The following RHOBTB3 variants were observed in gnomAD, a reference collection of about 807,000 sequenced individuals.
RHOBTB3 encodes Rho related BTB domain containing 3.
In RHOBTB3, 47 loss-of-function variants were observed where a neutral mutation model predicts 67.2. The ratio of observed to expected loss-of-function variants is 0.70; its 90% CI spans 0.55 to 0.89. RHOBTB3 has a LOEUF of 0.89. Ranked by LOEUF, RHOBTB3 falls within the 40% of genes least tolerant of loss-of-function variation. The probability of loss-of-function intolerance (pLI) is 0.00; values close to 1 mark genes in which losing one functional copy is unlikely to be tolerated. For synonymous variants in RHOBTB3, 273 were observed against 274.2 expected (o/e 1.00, Z 0.04); for missense variants, 631 against 750.0 (o/e 0.84, Z 1.85).
intron 3 of RHOBTB3, among the ~76,000 whole-genome samples, chr5:95,742,211 G>A (rs149783248): frequency 3.7e-4 from 57 of 152,248 alleles, no homozygotes; most frequent in African/African-American, 1.4e-3. Context: ...CCTTTAATTG[G>A]CTAGAGCTAG....
Position 95,768,172 on chromosome 5 carries a change from G to C in RHOBTB3, c.1282+6G>C. 1 of 1,601,282 alleles carries C rather than the reference G, an allele frequency of 6.2e-7. No individual in the cohort carries two copies. Among genetic ancestry groups the C allele is most frequent in the Non-Finnish European group, 8.5e-7 (1 of 1,176,406 alleles). ...TGTTGTCTTCGAAATTCAAGGTACGGATCAACTTTTACAAAGTTTATGATT... is the reference window on the plus strand; with the variant it reads ...TGTTGTCTTCGAAATTCAAGGTACGCATCAACTTTTACAAAGTTTATGATT... On this transcript the variant is annotated splice_donor_region_variant and intron_variant, in intron 8 of 11. Coordinates refer to ENST00000379982, the MANE Select transcript of RHOBTB3 (RefSeq NM_014899.4).
intron 5 of RHOBTB3, among the ~76,000 whole-genome samples, chr5:95,753,064 G>A (rs1302980415): frequency 2.0e-5 from 3 of 152,056 alleles, no homozygotes; most frequent in Non-Finnish European, 2.9e-5. Flanking sequence ...CCCAGGAGGC[G>A]GAGCTTGCAG....
At chr5:95,734,268 A>C (rs1344733655) in intron 2 of RHOBTB3, among the ~76,000 whole-genome samples, 1 of 152,166 alleles carries the variant, frequency 6.6e-6, no homozygotes, top group Non-Finnish European at 1.5e-5. Flanking sequence ...AGTAAAATAA[A>C]ATAGTTTCAC....
chr5:95,721,693 TAAAAAA>T (rs58596325), intron 1 of RHOBTB3, among the ~76,000 whole-genome samples: 1 of 132,204 alleles, frequency 7.6e-6, no homozygotes, highest in Non-Finnish European at 1.6e-5. Flanking sequence ...CTGAGAGCAT[TAAAAAA>T]AAAAAAAAAG....
At chr5:95,723,472 A>T (rs1754956762) in intron 1 of RHOBTB3, among the ~76,000 whole-genome samples, 1 of 152,220 alleles carries the variant, frequency 6.6e-6, no homozygotes, top group Admixed American at 6.5e-5. Context: ...AGACTGACTA[A>T]ATGGTTATTG....
chr5:95,760,623 G>C (rs556479168), intron 6 of RHOBTB3, among the ~76,000 whole-genome samples: 1 of 152,086 alleles, frequency 6.6e-6, no homozygotes, highest in Non-Finnish European at 1.5e-5. Flanking sequence ...TATACCATGC[G>C]CTCTAAAAGT....
intron 8 of RHOBTB3, among the ~76,000 whole-genome samples, chr5:95,779,575 T>G (rs1745989698): frequency 3.9e-5 from 6 of 152,346 alleles, no homozygotes; most frequent in Admixed American, 3.9e-4. Flanking sequence ...CAGTATGGGC[T>G]GAGAGAGCCC....
At chr5:95,745,496 C>G (rs1744868042) in intron 3 of RHOBTB3, among the ~76,000 whole-genome samples, 1 of 152,086 alleles carries the variant, frequency 6.6e-6, no homozygotes. Flanking sequence ...TCTGGTAGAG[C>G]CTGGTCCTTT....
chr5:95,736,015 T>A (rs962672051), intron 2 of RHOBTB3, among the ~76,000 whole-genome samples: 7 of 152,108 alleles, frequency 4.6e-5, no homozygotes, highest in African/African-American at 1.7e-4. Flanking sequence ...GGCACAGGAA[T>A]TGCTTGAACT....
chr5:95,769,074 A>T (rs181881984), intron 8 of RHOBTB3: 14 of 361,350 alleles, frequency 3.9e-5, no homozygotes, highest in Non-Finnish European at 7.1e-5. Context: ...CTTATGCCAA[A>T]CATGTAAAAT....
intron 1 of RHOBTB3, chr5:95,719,911 C>T (rs1754815761): frequency 6.6e-6 from 1 of 152,186 alleles, no homozygotes; most frequent in Non-Finnish European, 1.5e-5. Context: ...AGACACAAAA[C>T]ATCCTTGGGA....
intron 2 of RHOBTB3, among the ~76,000 whole-genome samples, chr5:95,732,933 G>A (rs945690865): frequency 3.9e-5 from 6 of 152,068 alleles, no homozygotes; most frequent in African/African-American, 1.4e-4. Flanking sequence ...GTATGTTTCA[G>A]CTAAATGTTA....
chr5:95,774,572 AATT>A (rs547620627), intron 8 of RHOBTB3, among the ~76,000 whole-genome samples: 316 of 152,330 alleles, frequency 2.1e-3, no homozygotes, highest in African/African-American at 7.5e-3. Context: ...CTCACTCTGA[AATT>A]AGCATTATGT....
At chr5:95,791,792 C>T (rs1040852518) in intron 11 of RHOBTB3, among the ~76,000 whole-genome samples, 4 of 151,918 alleles carry the variant, frequency 2.6e-5, no homozygotes, top group Non-Finnish European at 4.4e-5. Flanking sequence ...ATAATCCGCC[C>T]GCCTCGGCCT....
At chr5:95,722,165 G>A (rs991888968) in intron 1 of RHOBTB3, among the ~76,000 whole-genome samples, 4 of 152,120 alleles carry the variant, frequency 2.6e-5, no homozygotes, top group African/African-American at 7.2e-5. Context: ...GTACCCAATG[G>A]ATGGCCATAG....
At chr5:95,723,558 G>T (rs568566356) in intron 1 of RHOBTB3, among the ~76,000 whole-genome samples, 6 of 152,036 alleles carry the variant, frequency 3.9e-5, no homozygotes, top group South Asian at 2.1e-4. Context: ...TTGTTTGTTT[G>T]TTTTTTTAAA....
At chr5:95,755,807 G>T in intron 6 of RHOBTB3, 46 bp downstream of exon 6, 1 of 1,595,692 alleles carries the variant, frequency 6.3e-7, no homozygotes. Flanking sequence ...CATAAGCTTT[G>T]GAAATGAAAT....
At chr5:95,755,288 CTAATAATATT>C (rs1745209365) in intron 5 of RHOBTB3, 98 bp from the exon 6 acceptor site, 1 of 827,712 alleles carries the variant, frequency 1.2e-6, no homozygotes, top group Non-Finnish European at 1.6e-6. Context: ...ATGCTTTAAC[CTAATAATATT>C]TTAAAATATT....
upstream of RHOBTB3, among the ~76,000 whole-genome samples, chr5:95,727,723 T>TA (rs1007330950): frequency 6.6e-6 from 1 of 152,204 alleles, no homozygotes; most frequent in Non-Finnish European, 1.5e-5. Flanking sequence ...GAAATAACTT[T>TA]AAAAAAGTGG....
Sources: allele counts gnomAD v4.1 joint callset (sites outside exome capture counted in the v4.1 genomes callset), GRCh38; gene constraint gnomAD v4.1.1; transcripts MANE v1.5; gene names NCBI Gene and HGNC (gene_info 2026-07-23, HGNC 2026-07-21).